DCPS: variants seen among roughly 807,000 people sequenced by gnomAD.
The protein encoded by DCPS is m7GpppX diphosphatase.
A neutral mutation model predicts 34.7 loss-of-function variants in DCPS; 27 were observed. The observed-to-expected ratio is 0.78, with a 90% confidence interval of 0.57 to 1.07. DCPS has a LOEUF of 1.07. Ranked by LOEUF, DCPS falls within the 50% of genes least tolerant of loss-of-function variation. DCPS has a pLI of 0.00. For missense variants in DCPS, 464 were observed against 436.9 expected, an observed-to-expected ratio of 1.06 and a Z score of -0.55; for synonymous variants, 185 against 185.7, an observed-to-expected ratio of 1.00 and a Z score of 0.03.
chr11:126,343,361 C>T lies in DCPS; in HGVS notation c.691C>T (p.Arg231Cys), dbSNP rs757830111. The part of the protein sequence containing the change: ...ICHRRGIRSL[R>C]DLTPEHLPLL... ...CCATCGCCGGGGCATCAGATCCCTA[C>T]GCGACCTTACTCCGGAGCACTTGCC... is the stretch of plus-strand genomic sequence containing the variant. Residue 231 changes from arginine to cysteine, a missense_variant, in exon 5 of 6, where the codon CGC becomes TGC. Physicochemically the swap from Arg to Cys is radical, Grantham distance 180. Coordinates refer to ENST00000263579, the MANE Select transcript of DCPS (RefSeq NM_014026.6). 1.1e-5 allele frequency: 17 copies of T among 1,613,896 alleles called. No individual in the cohort carries two copies. The highest frequency in any genetic ancestry group is 1.2e-5 in the Non-Finnish European group (14 of 1,179,984).
At position 126,312,989 on chromosome 11, in the gene DCPS, A is replaced by G. The variant is rs1259158095; in HGVS notation, c.376+6245A>G. On this transcript the variant is annotated intron_variant, in intron 2 of 5. Coordinates refer to ENST00000263579, the MANE Select transcript of DCPS (RefSeq NM_014026.6). This position sits in a 1 kb window ranked among gnomAD's most constrained non-coding sequence, Gnocchi z 5.1. ...ACCCTCCAGGCTGGGCAGGGCCTGCATCTCCTTTCTGCCATAGCTGTCACC... is the reference window on the plus strand; with the variant it reads ...ACCCTCCAGGCTGGGCAGGGCCTGCGTCTCCTTTCTGCCATAGCTGTCACC... Among the ~76,000 whole-genome samples the G allele has an allele frequency of 1.3e-5, 2 of 152,122 alleles. No homozygotes were observed. The highest frequency in any genetic ancestry group is 2.9e-5 in the Non-Finnish European group (2 of 68,032).
Position 126,333,819 on chromosome 11 carries a change from A to G in DCPS, c.522+2269A>G, listed in dbSNP as rs1469399046. On this transcript the variant is annotated intron_variant, in intron 3 of 5. Coordinates refer to ENST00000263579, the MANE Select transcript of DCPS (RefSeq NM_014026.6). This position sits in a 1 kb window ranked among gnomAD's most constrained non-coding sequence, Gnocchi z 5.7. ...TCATAAATACCGAGCACAGAGCACT[A>G]TTCCATATCTGCTGAATCTCACGCT... is the stretch of plus-strand genomic sequence containing the variant. Among the ~76,000 whole-genome samples the G allele has an allele frequency of 6.6e-6, 1 of 152,052 alleles. No individual in the cohort carries two copies. Among genetic ancestry groups the G allele is most frequent in the Non-Finnish European group, 1.5e-5 (1 of 68,014 alleles).
chr11:126,324,629 C>CCT (rs1183587902), intron 2 of DCPS, among the ~76,000 whole-genome samples: 1 of 99,954 alleles, frequency 1.0e-5, no homozygotes, highest in Non-Finnish European at 1.9e-5. Flanking sequence ...ATTTTTCTGC[C>CCT]TTTTTTTTTT....
intron 2 of DCPS, among the ~76,000 whole-genome samples, chr11:126,318,247 C>T (rs1261086205): frequency 2.0e-5 from 3 of 152,156 alleles, no homozygotes; most frequent in South Asian, 2.1e-4. Flanking sequence ...TTGAAGTTTC[C>T]AGTAGGATCC....
rs1260482869 is a variant in DCPS at position 126,322,184 on chromosome 11, G to GA, written c.377-9219dup. Reference sequence around the variant, plus strand: ...CCACACCATCAGGGCATTGGAGACAGAAGAAAACAGGTCACAAAGAACTGG... The same window carrying GA: ...CCACACCATCAGGGCATTGGAGACAGAAAGAAAACAGGTCACAAAGAACTGG... On this transcript the variant is annotated intron_variant, in intron 2 of 5. Transcript: ENST00000263579. This position sits in a 1 kb window ranked among gnomAD's most constrained non-coding sequence, Gnocchi z 4.2. Among the ~76,000 whole-genome samples the GA allele has an allele frequency of 6.6e-6, 1 of 152,196 alleles. No homozygotes were observed. Among genetic ancestry groups the GA allele is most frequent in the Admixed American group, 6.5e-5 (1 of 15,270 alleles).
chr11:126,314,533 T>G (rs1485343537), intron 2 of DCPS, among the ~76,000 whole-genome samples: 2 of 152,128 alleles, frequency 1.3e-5, no homozygotes, highest in Non-Finnish European at 2.9e-5. Context: ...AAAAGATATT[T>G]GCACATACAT....
rs1390380413 is a variant in DCPS at position 126,344,175 on chromosome 11, A to G, written c.747+758A>G. Among the ~76,000 whole-genome samples the G allele has an allele frequency of 6.6e-6, 1 of 152,102 alleles. No homozygotes were observed. Among genetic ancestry groups the G allele is most frequent in the Non-Finnish European group, 1.5e-5 (1 of 68,024 alleles). ...TCACAACGATGCCCAGCCAGGAGAG[A>G]GGTTTGCCCCTTTTTGACCAGTGAT... On this transcript the variant is annotated intron_variant, in intron 5 of 5. Coordinates refer to ENST00000263579, the MANE Select transcript of DCPS (RefSeq NM_014026.6). This position sits in a 1 kb window ranked among gnomAD's most constrained non-coding sequence, Gnocchi z 8.1.
chr11:126,334,559 G>A lies in DCPS; in HGVS notation c.522+3009G>A, dbSNP rs1318963429. On this transcript the variant is annotated intron_variant, in intron 3 of 5. Coordinates refer to ENST00000263579, the MANE Select transcript of DCPS (RefSeq NM_014026.6). This position sits in a 1 kb window ranked among gnomAD's most constrained non-coding sequence, Gnocchi z 5.5. ...GAGTTTCACCATGTTGGCCAGGCTG[G>A]TCTCAAACTCCTGACCTCAAGTGAC... Among the ~76,000 whole-genome samples the A allele has an allele frequency of 6.6e-6, 1 of 152,078 alleles. No homozygotes were observed. Among genetic ancestry groups the A allele is most frequent in the South Asian group, 2.1e-4 (1 of 4,820 alleles).
rs1951651342 is a variant in DCPS, at chr11:126,315,667, GT to G, written c.376+8928del. 6.6e-6 allele frequency among the ~76,000 whole-genome samples: 1 copy of G among 152,050 alleles called. No homozygotes were observed. The highest frequency in any genetic ancestry group is 1.5e-5 in the Non-Finnish European group (1 of 68,022). ...GCTCAACCAGAGTGCTAAGTTTCTA[GT>G]TTTTCCTCCACCTGCCCAGTGTATC... On this transcript the variant is annotated intron_variant, in intron 2 of 5. Transcript: ENST00000263579. The surrounding 1 kb of genome is among the most constrained non-coding windows in gnomAD (Gnocchi z 6.1).
chr11:126,321,519 A>T (rs1264555184), intron 2 of DCPS, among the ~76,000 whole-genome samples: 1 of 152,088 alleles, frequency 6.6e-6, no homozygotes, highest in Non-Finnish European at 1.5e-5. Context: ...CCGAGAGAAA[A>T]CCTAAACTAT....
At chr11:126,326,922 CAA>C (rs561227131) in intron 2 of DCPS, among the ~76,000 whole-genome samples, 1 of 120,690 alleles carries the variant, frequency 8.3e-6, no homozygotes, top group Non-Finnish European at 1.7e-5. Flanking sequence ...GACTCTGTCT[CAA>C]AAAAAAAAAA....
chr11:126,334,938 C>G lies in DCPS; in HGVS notation c.523-3348C>G, dbSNP rs1951819010. Among the ~76,000 whole-genome samples, 1 of 152,178 alleles carries G rather than the reference C, an allele frequency of 6.6e-6. No homozygotes were observed. Among genetic ancestry groups the G allele is most frequent in the African/African-American group, 2.4e-5 (1 of 41,440 alleles). The stretch of plus-strand genomic sequence containing the variant: ...GTGACATTGTCCTTAATTTCGGAGC[C>G]CTGGTTTCCTTGTCTGAAAAATGTA... On this transcript the variant is annotated intron_variant, in intron 3 of 5. Transcript: ENST00000263579. This position sits in a 1 kb window ranked among gnomAD's most constrained non-coding sequence, Gnocchi z 5.5.
intron 2 of DCPS, among the ~76,000 whole-genome samples, chr11:126,317,418 A>G (rs923559621): frequency 1.4e-5 from 2 of 147,836 alleles, no homozygotes; most frequent in Non-Finnish European, 3.0e-5. Flanking sequence ...TTTTTTATTG[A>G]GGCCAAATTG....
At chr11:126,340,329 T>C (rs961545579) in intron 4 of DCPS, among the ~76,000 whole-genome samples, 58 of 151,810 alleles carry the variant, frequency 3.8e-4, no homozygotes, top group Non-Finnish European at 7.1e-4. Flanking sequence ...CTTAATTCTT[T>C]TTTTTTTTTT....
Position 126,338,339 on chromosome 11 carries a change from G to C in DCPS, c.576G>C (p.Glu192Asp), listed in dbSNP as rs1951849917. The C allele has an allele frequency of 1.9e-6, 3 of 1,614,022 alleles. No individual in the cohort carries two copies. The East Asian group carries it at 6.7e-5, about 36-fold the overall frequency. Residue 192 changes from glutamate (E) to aspartate (D), a missense_variant, in exon 4 of 6, where the codon GAG becomes GAC. Coordinates refer to ENST00000263579, the MANE Select transcript of DCPS (RefSeq NM_014026.6). The surrounding 1 kb of genome is among the most constrained non-coding windows in gnomAD (Gnocchi z 5.4). ...CTGAAGCGGACCGGATTGTTTTCGAGAACCCAGATCCCTCTGATGGTTTTG... is the reference window on the plus strand; with the variant it reads ...CTGAAGCGGACCGGATTGTTTTCGACAACCCAGATCCCTCTGATGGTTTTG... ...KKAEADRIVF[E>D]NPDPSDGFVL...
intron 2 of DCPS, among the ~76,000 whole-genome samples, chr11:126,310,889 T>G (rs1951614205): frequency 6.6e-6 from 1 of 152,240 alleles, no homozygotes; most frequent in Non-Finnish European, 1.5e-5. Flanking sequence ...TCTGGCTGCT[T>G]CTTTAGACCT....
chr11:126,345,761 C>A lies in DCPS; in HGVS notation c.*148C>A. The A allele has an allele frequency of 8.0e-7, 1 of 1,248,930 alleles. No individual in the cohort carries two copies. Among genetic ancestry groups the A allele is most frequent in the South Asian group, 1.5e-5 (1 of 66,854 alleles). The allele number at this position is 1,248,930 out of a possible 1,614,324, so 77.4% of individuals were successfully genotyped here. The stretch of plus-strand genomic sequence containing the variant: ...AACTAGCGGGCTCACTCAGTGTGGA[C>A]AGCGTGGCCTGGGAGGCAGACAGAT... On this transcript the variant is annotated 3_prime_UTR_variant, in exon 6 of 6. Coordinates refer to ENST00000263579, the MANE Select transcript of DCPS (RefSeq NM_014026.6). This position sits in a 1 kb window ranked among gnomAD's most constrained non-coding sequence, Gnocchi z 7.4.
chr11:126,338,404 AG>A lies in DCPS; in HGVS notation c.636+7del, dbSNP rs1565379523. The A allele has an allele frequency of 1.9e-6, 3 of 1,613,804 alleles. No homozygotes were observed. Among genetic ancestry groups the A allele is most frequent in the Non-Finnish European group, 2.5e-6 (3 of 1,179,726 alleles). On this transcript the variant is annotated splice_donor_region_variant and intron_variant, in intron 4 of 5. Transcript: ENST00000263579. This position sits in a 1 kb window ranked among gnomAD's most constrained non-coding sequence, Gnocchi z 5.4. ...CTCAAGTGGAACCAACAGCAGGTAA[AG>A]GTTTCTGGCTGGAATGTCCTGATCT...
At chr11:126,324,515 C>T (rs1369383964) in intron 2 of DCPS, among the ~76,000 whole-genome samples, 3 of 150,872 alleles carry the variant, frequency 2.0e-5, no homozygotes, top group Admixed American at 6.6e-5. Flanking sequence ...AGTGCAGTGG[C>T]GAGATCTGCG....
Sources: gnomAD v4.1 joint callset for allele counts (sites outside exome capture counted in the v4.1 genomes callset) on GRCh38, gnomAD v4.1.1 for gene constraint, Gnocchi (gnomAD v3.1) non-coding constraint, MANE v1.5 for transcripts, NCBI Gene and HGNC (gene_info 2026-07-23, HGNC 2026-07-21) for gene names.